TLN2: variants seen among roughly 807,000 people sequenced by gnomAD.
TLN2 encodes talin 2.
TLN2 carries 118 observed loss-of-function variants against 294.7 expected under a neutral mutation model. That is an observed-to-expected ratio of 0.40 (90% CI 0.34 to 0.47). TLN2 has a LOEUF of 0.47. Among genes scored for constraint, TLN2 ranks in the 20% least tolerant of loss-of-function variants. The pLI is 0.84. For missense variants in TLN2, 3,083 were observed against 3,282.2 expected (o/e 0.94, Z 1.48); for synonymous variants, 1,431 against 1,304.5 (o/e 1.10, Z -2.09).
chr15:62,779,276 C>T (rs1024274308), intron 43 of TLN2, among the ~76,000 whole-genome samples: 2 of 152,172 alleles, frequency 1.3e-5, no homozygotes, highest in African/African-American at 4.8e-5. Flanking sequence ...ACGTTGATTT[C>T]CTCATTCAGT....
At chr15:62,564,181 A>C (rs558456563) in intron 1 of TLN2, among the ~76,000 whole-genome samples, 1 of 152,332 alleles carries the variant, frequency 6.6e-6, no homozygotes, top group East Asian at 1.9e-4. Flanking sequence ...ATGGAGACTC[A>C]GAATCCTTAG....
At chr15:62,531,656 T>C (rs2041050730) in intron 1 of TLN2, among the ~76,000 whole-genome samples, 1 of 152,242 alleles carries the variant, frequency 6.6e-6, no homozygotes, top group African/African-American at 2.4e-5. Context: ...ACCCCATAAA[T>C]ATAGTTGTAA....
At chr15:62,573,921 C>G (rs1167545640) in intron 1 of TLN2, among the ~76,000 whole-genome samples, 1 of 152,050 alleles carries the variant, frequency 6.6e-6, no homozygotes, top group Non-Finnish European at 1.5e-5. Context: ...AAGTTGGAGG[C>G]AGGTTGGGAG....
chr15:62,482,840 C>G (rs968066283), intron 1 of TLN2, among the ~76,000 whole-genome samples: 23 of 152,154 alleles, frequency 1.5e-4, no homozygotes, highest in African/African-American at 5.6e-4. Context: ...GTTCAGCCTT[C>G]GTGGCCTCAT....
chr15:62,406,623 T>C (rs1052520970), intron 1 of TLN2, among the ~76,000 whole-genome samples: 3 of 152,164 alleles, frequency 2.0e-5, no homozygotes, highest in Admixed American at 6.5e-5. Flanking sequence ...TTTGGGTCAT[T>C]GGATCATTGC....
intron 1 of TLN2, among the ~76,000 whole-genome samples, chr15:62,501,295 T>G (rs1270930712): frequency 6.6e-6 from 1 of 152,122 alleles, no homozygotes; most frequent in African/African-American, 2.4e-5. Flanking sequence ...TGTTCCTATT[T>G]CTCCTGAGCA....
intron 25 of TLN2, among the ~76,000 whole-genome samples, chr15:62,720,805 C>T (rs543451713): frequency 6.6e-6 from 1 of 152,044 alleles, no homozygotes; most frequent in Admixed American, 6.5e-5. Flanking sequence ...TAACTTTTCT[C>T]TCATTATTGG....
chr15:62,797,211 T>G lies in TLN2; in HGVS notation c.6051-8T>G, dbSNP rs745639046. The G allele has an allele frequency of 4.3e-6, 7 of 1,613,876 alleles. No homozygotes were observed. Among genetic ancestry groups the G allele is most frequent in the East Asian group, 2.2e-5 (1 of 44,870 alleles). The stretch of plus-strand genomic sequence containing the variant: ...TCCCCCTCTCCCCTGCCCTCCTGGC[T>G]CTCTCAGGGAGAACATTCTCAAGAC... On this transcript the variant is annotated splice_polypyrimidine_tract_variant and splice_region_variant and intron_variant, in intron 47 of 58. Transcript: ENST00000636159.
At chr15:62,648,298 G>A (rs2052142364) in intron 4 of TLN2, among the ~76,000 whole-genome samples, 1 of 149,498 alleles carries the variant, frequency 6.7e-6, no homozygotes, top group South Asian at 2.1e-4. Context: ...GTATGTGCCT[G>A]TAGTCTCAGG....
Position 62,596,013 on chromosome 15 carries a change from C to T in TLN2, c.-162+6251C>T, listed in dbSNP as rs146763218. Among the ~76,000 whole-genome samples the T allele has an allele frequency of 1.1e-4, 17 of 152,220 alleles. No individual in the cohort carries two copies. The East Asian group carries it at 1.9e-3, about 17-fold the overall frequency. Reference sequence around the variant, plus strand: ...ATTCTTGGCCAGGCGCGGTGGCTCACGCCTGTAATCTCAGCACTTTGGGAG... The same window carrying T: ...ATTCTTGGCCAGGCGCGGTGGCTCATGCCTGTAATCTCAGCACTTTGGGAG... On this transcript the variant is annotated intron_variant, in intron 2 of 58. Coordinates refer to ENST00000636159, the MANE Select transcript of TLN2 (RefSeq NM_015059.3).
intron 1 of TLN2, among the ~76,000 whole-genome samples, chr15:62,511,121 T>C (rs2039911908): frequency 6.6e-6 from 1 of 152,234 alleles, no homozygotes. Context: ...CCTGTGGTTG[T>C]ACTGTTTCAA....
intron 32 of TLN2, 67 bp from the exon 33 acceptor site, chr15:62,748,284 C>T: frequency 8.3e-7 from 1 of 1,207,558 alleles, no homozygotes. Context: ...GGTGAGCCTG[C>T]AAAGCATTGT....
chr15:62,581,507 T>C (rs1046916586), intron 1 of TLN2, among the ~76,000 whole-genome samples: 2 of 152,188 alleles, frequency 1.3e-5, no homozygotes, highest in African/African-American at 4.8e-5. Context: ...TGTGCTCTTT[T>C]AAAGGGTCCA....
At chr15:62,474,199 G>C (rs1460215923) in intron 1 of TLN2, among the ~76,000 whole-genome samples, 1 of 152,222 alleles carries the variant, frequency 6.6e-6, no homozygotes, top group Non-Finnish European at 1.5e-5. Context: ...TCCTAAACCT[G>C]AGGTTCAGAA....
At chr15:62,802,022 C>G (rs1456969833) in intron 50 of TLN2, among the ~76,000 whole-genome samples, 2 of 152,042 alleles carry the variant, frequency 1.3e-5, no homozygotes, top group African/African-American at 4.8e-5. Context: ...ACTGTAGTTA[C>G]CCACTGTGCT....
At chr15:62,493,664 G>T (rs2038868615) in intron 1 of TLN2, among the ~76,000 whole-genome samples, 1 of 150,978 alleles carries the variant, frequency 6.6e-6, no homozygotes, top group Non-Finnish European at 1.5e-5. Context: ...AGGCTGGAGT[G>T]CAGGGGCACA....
At chr15:62,605,883 C>T (rs376200019) in intron 2 of TLN2, among the ~76,000 whole-genome samples, 1 of 152,282 alleles carries the variant, frequency 6.6e-6, no homozygotes, top group South Asian at 2.1e-4. Context: ...TTCAGATGTG[C>T]CTGGTACCAC....
At chr15:62,605,626 C>T (rs183085804) in intron 2 of TLN2, among the ~76,000 whole-genome samples, 1 of 143,484 alleles carries the variant, frequency 7.0e-6, no homozygotes, top group Non-Finnish European at 1.5e-5. Context: ...ACTTGACCTG[C>T]CAGCTCAGAA....
chr15:62,454,608 A>G (rs1200863817), intron 1 of TLN2, among the ~76,000 whole-genome samples: 1 of 151,922 alleles, frequency 6.6e-6, no homozygotes, highest in Admixed American at 6.5e-5. Context: ...ACAGCACAGG[A>G]CCCTGTGCCC....
Sources: gnomAD v4.1 joint callset for allele counts (sites outside exome capture counted in the v4.1 genomes callset) on GRCh38, gnomAD v4.1.1 for gene constraint, MANE v1.5 for transcripts, NCBI Gene and HGNC (gene_info 2026-07-23, HGNC 2026-07-21) for gene names.